Variants in EEA1 observed in about 807,000 individuals in gnomAD.
The protein encoded by EEA1 is early endosome antigen 1, also known as early endosome antigen 1, 162kD.
EEA1 carries 111 observed loss-of-function variants against 209.2 expected under a neutral mutation model. That is an observed-to-expected ratio of 0.53 (90% CI 0.45 to 0.62). The LOEUF (loss-of-function observed/expected upper bound fraction) is 0.62. EEA1 is among the 20% of genes least tolerant of loss of function. The probability of loss-of-function intolerance (pLI) is 0.00; values close to 1 mark genes in which losing one functional copy is unlikely to be tolerated. For synonymous variants in EEA1, 536 were observed against 540.6 expected, an observed-to-expected ratio of 0.99 and a Z score of 0.12; for missense variants, 1,343 against 1,530.8, an observed-to-expected ratio of 0.88 and a Z score of 2.05.
chr12:92,793,278 C>T (rs1450829665), intron 21 of EEA1, among the ~76,000 whole-genome samples: 1 of 152,092 alleles, frequency 6.6e-6, no homozygotes, highest in Non-Finnish European at 1.5e-5. Context: ...AAGTTCTGGC[C>T]AGGGCAATCA....
intron 2 of EEA1, among the ~76,000 whole-genome samples, 154 bp downstream of exon 2, chr12:92,891,475 C>T (rs985448926): frequency 2.6e-5 from 4 of 152,180 alleles, no homozygotes; most frequent in Admixed American, 2.0e-4. Flanking sequence ...TAGGCACAGG[C>T]ATATAGCTAC....
intron 2 of EEA1, among the ~76,000 whole-genome samples, chr12:92,866,437 C>T (rs916869471): frequency 6.6e-6 from 1 of 150,690 alleles, no homozygotes; most frequent in South Asian, 2.1e-4. Context: ...CTGTAAGCAA[C>T]AAGTAAATAT....
At chr12:92,892,483 T>A (rs933202942) in intron 1 of EEA1, among the ~76,000 whole-genome samples, 2 of 150,536 alleles carry the variant, frequency 1.3e-5, no homozygotes, top group African/African-American at 4.9e-5. Context: ...AGATCCAAGT[T>A]AAAGCAAAAA....
intron 3 of EEA1, among the ~76,000 whole-genome samples, chr12:92,860,289 T>C (rs2136718308): frequency 6.6e-6 from 1 of 152,248 alleles, no homozygotes; most frequent in Non-Finnish European, 1.5e-5. Flanking sequence ...TAAGAAAGCC[T>C]GAGTACTCCA....
At position 92,780,333 on chromosome 12, in the gene EEA1, C is replaced by T. The variant is rs202011547; in HGVS notation, c.3415G>A (p.Glu1139Lys). Reference sequence around the variant, plus strand: ...AGTTCTTCGTTTAGTTTAGTGATTTCTTTTTCTTGTCTACATTTAATTTCT... The same window carrying T: ...AGTTCTTCGTTTAGTTTAGTGATTTTTTTTTCTTGTCTACATTTAATTTCT... ...IEEIKCRQEK[E>K]ITKLNEELKS... is the part of the protein sequence containing the mutation. Residue 1139 changes from glutamate (E) to lysine (K), a missense_variant, in exon 24 of 29, where the codon GAA becomes AAA. Around this residue, in one of 3 missense-constraint regions of EEA1, gnomAD observed 1,307 missense variants for 1,465.5 expected, o/e 0.89. Coordinates refer to ENST00000322349, the MANE Select transcript of EEA1 (RefSeq NM_003566.4). 1,519 of 1,602,666 alleles carry T rather than the reference C, an allele frequency of 9.5e-4. 20 individuals carry two copies. The highest frequency in any genetic ancestry group is 1.8e-4 in the Non-Finnish European group (217 of 1,175,932).
chr12:92,803,074 C>T (rs750030290), intron 18 of EEA1, among the ~76,000 whole-genome samples: 3 of 151,924 alleles, frequency 2.0e-5, no homozygotes, highest in Non-Finnish European at 4.4e-5. Flanking sequence ...CAGCCAGAAA[C>T]GTTTTTCCAT....
At position 92,816,354 on chromosome 12, in the gene EEA1, T is replaced by G. The variant is rs373817440; in HGVS notation, c.1775A>C (p.Lys592Thr). The change falls in exon 15 of 29, where the codon AAA (lysine) becomes ACA (threonine). Residue 592 changes from lysine to threonine, a missense_variant. Lys to Thr is a moderately conservative substitution (Grantham distance 78). This residue lies in a region of EEA1 where 1,307 missense variants were observed against 1,465.5 expected (regional missense o/e 0.89). Transcript: ENST00000322349. ...EKLKNQSESH[K>T]QAQENLHDQV... ...GTCATGCAAATTCTCCTGGGCTTGT[T>G]TATGACTTTCTGACTGATTCTTCAG... 3 of 1,613,976 alleles carry G rather than the reference T, an allele frequency of 1.9e-6. No individual in the cohort carries two copies. Among genetic ancestry groups the G allele is most frequent in the Middle Eastern group, 1.7e-4 (1 of 6,060 alleles).
chr12:92,860,505 A>C (rs549444174), intron 3 of EEA1, among the ~76,000 whole-genome samples: 1 of 152,214 alleles, frequency 6.6e-6, no homozygotes, highest in Non-Finnish European at 1.5e-5. Flanking sequence ...CCTTAAGTAC[A>C]GTGAAGCTAT....
At position 92,891,672 on chromosome 12, in the gene EEA1, G is replaced by GT; in HGVS notation, c.73dup (p.Thr25AsnfsTer10). On this transcript the variant is annotated frameshift_variant, in exon 2 of 29. Transcript: ENST00000322349. LOFTEE classifies it high-confidence loss of function. ...ATTGACGTCCACTGTGTTTATAGGA[G>GT]TTGCTGATGAATCTAAATCAGAACC... The GT allele has an allele frequency of 6.2e-7, 1 of 1,611,308 alleles. No individual in the cohort carries two copies. Among genetic ancestry groups the GT allele is most frequent in the Non-Finnish European group, 8.5e-7 (1 of 1,179,268 alleles).
intron 21 of EEA1, among the ~76,000 whole-genome samples, chr12:92,788,546 CAA>C (rs1303549974): frequency 1.3e-5 from 2 of 152,150 alleles, no homozygotes; most frequent in Non-Finnish European, 2.9e-5. Flanking sequence ...GAAAATCTCA[CAA>C]AGTTTTAAAG....
chr12:92,822,147 T>C (rs1876085362), intron 13 of EEA1, among the ~76,000 whole-genome samples: 1 of 152,044 alleles, frequency 6.6e-6, no homozygotes. Context: ...CGTAGCTTCT[T>C]AACAATACCT....
At chr12:92,806,156 G>A (rs762381362) in intron 18 of EEA1, among the ~76,000 whole-genome samples, 7 of 151,356 alleles carry the variant, frequency 4.6e-5, no homozygotes, top group Non-Finnish European at 7.4e-5. Flanking sequence ...AAAGTAATAA[G>A]GTCTAAAGAT....
chr12:92,807,831 G>A (rs1875289281), intron 18 of EEA1, among the ~76,000 whole-genome samples: 1 of 152,014 alleles, frequency 6.6e-6, no homozygotes, highest in African/African-American at 2.4e-5. Flanking sequence ...ATGTTGTTAA[G>A]ATGTCATTTC....
intron 14 of EEA1, among the ~76,000 whole-genome samples, chr12:92,816,774 T>C (rs909686572): frequency 6.6e-6 from 1 of 152,160 alleles, no homozygotes; most frequent in Non-Finnish European, 1.5e-5. Flanking sequence ...CAGTCATTCC[T>C]CCCATCCCAT....
intron 3 of EEA1, among the ~76,000 whole-genome samples, 197 bp downstream of exon 3, chr12:92,864,663 C>T (rs61935279): frequency 6.6e-6 from 1 of 151,964 alleles, no homozygotes; most frequent in East Asian, 1.9e-4. Flanking sequence ...CCGTATTGTA[C>T]TTGCTGGCAT....
chr12:92,922,826 C>T (rs960711364), intron 1 of EEA1, among the ~76,000 whole-genome samples: 6 of 151,694 alleles, frequency 4.0e-5, no homozygotes, highest in African/African-American at 1.5e-4. Flanking sequence ...GGAGTGGTGG[C>T]GGGCACCTGT....
At chr12:92,790,355 G>A (rs192501560) in intron 21 of EEA1, among the ~76,000 whole-genome samples, 4 of 152,222 alleles carry the variant, frequency 2.6e-5, no homozygotes, top group East Asian at 1.9e-4. Flanking sequence ...GAGGATGTTC[G>A]AACCCATCGC....
intron 11 of EEA1, among the ~76,000 whole-genome samples, chr12:92,832,129 T>C (rs1876680755): frequency 6.6e-6 from 1 of 151,838 alleles, no homozygotes; most frequent in African/African-American, 2.4e-5. Flanking sequence ...ATTTGTATGC[T>C]ATTTGTTTTA....
At chr12:92,923,140 G>T (rs996061663) in intron 1 of EEA1, among the ~76,000 whole-genome samples, 3 of 152,080 alleles carry the variant, frequency 2.0e-5, no homozygotes, top group African/African-American at 7.2e-5. Flanking sequence ...GAGGTCAGGA[G>T]ATCGAGACCA....
Sources: gnomAD v4.1 joint callset for allele counts (sites outside exome capture counted in the v4.1 genomes callset) on GRCh38, gnomAD v4.1.1 for gene constraint, gnomAD v4.1.1 regional missense constraint, MANE v1.5 for transcripts, NCBI Gene and HGNC (gene_info 2026-07-23, HGNC 2026-07-21) for gene names.